The following UBR3 variants were observed in gnomAD, a reference collection of about 807,000 sequenced individuals.
UBR3 encodes the protein E3 ubiquitin-protein ligase UBR3.
Under a neutral mutation model 243.2 loss-of-function variants are expected in UBR3, and 85 were observed. The observed-to-expected ratio is 0.35, with a 90% CI of 0.29 to 0.42. UBR3 has a LOEUF of 0.42. Ranked by LOEUF, UBR3 falls within the 10% of genes least tolerant of loss-of-function variation. The probability of loss-of-function intolerance (pLI) is 1.00; values close to 1 mark genes in which losing one functional copy is unlikely to be tolerated. For synonymous variants in UBR3, 748 were observed against 799.8 expected (o/e 0.94, Z 1.09); for missense variants, 1,686 against 2,300.8 (o/e 0.73, Z 5.47).
chr2:170,078,788 G>A (rs1252393791), intron 36 of UBR3, among the ~76,000 whole-genome samples: 3 of 152,174 alleles, frequency 2.0e-5, no homozygotes, highest in African/African-American at 4.8e-5. Flanking sequence ...CCTATAATAA[G>A]TGTCAAGTTC....
At chr2:169,936,610 G>A (rs2086343389) in intron 19 of UBR3, among the ~76,000 whole-genome samples, 1 of 151,864 alleles carries the variant, frequency 6.6e-6, no homozygotes, top group Non-Finnish European at 1.5e-5. Context: ...CCACATTGGT[G>A]TGCTGCACCC....
chr2:169,930,326 T>C (rs2086072827), intron 18 of UBR3, among the ~76,000 whole-genome samples: 3 of 152,182 alleles, frequency 2.0e-5, no homozygotes, highest in Admixed American at 6.5e-5. Flanking sequence ...TTGAGTGTCA[T>C]ATTTAAATAC....
At position 169,836,062 on chromosome 2, in the gene UBR3, TA is replaced by T. The variant is rs1558999036; in HGVS notation, c.545+8011del. Among the ~76,000 whole-genome samples the T allele has an allele frequency of 3.4e-3, 189 of 54,982 alleles. 32 individuals are homozygous for T. Among genetic ancestry groups the T allele is most frequent in the Non-Finnish European group, 5.6e-3 (143 of 25,698 alleles). 36.1% of individuals were successfully genotyped at this position (54,982 alleles called of 152,430 possible). ...CTCTCTCTATATATATATATATATA[TA>T]TATATTTTTTTTTTTTTTTTTTTTT... On this transcript the variant is annotated intron_variant, in intron 1 of 38. Coordinates refer to ENST00000272793, the MANE Select transcript of UBR3 (RefSeq NM_172070.4).
chr2:169,833,536 A>G (rs924530385), intron 1 of UBR3, among the ~76,000 whole-genome samples: 1 of 152,218 alleles, frequency 6.6e-6, no homozygotes, highest in Non-Finnish European at 1.5e-5. Context: ...TTACTGTAAG[A>G]TTACATTGCT....
At chr2:169,842,175 A>G (rs574936339) in intron 1 of UBR3, among the ~76,000 whole-genome samples, 1 of 152,056 alleles carries the variant, frequency 6.6e-6, no homozygotes, top group African/African-American at 2.4e-5. Flanking sequence ...AAATACACCA[A>G]TCAGCACCCT....
At chr2:169,896,068 G>T (rs1263298666) in intron 7 of UBR3, among the ~76,000 whole-genome samples, 1 of 152,242 alleles carries the variant, frequency 6.6e-6, no homozygotes, top group South Asian at 2.1e-4. Flanking sequence ...AGGCTGAGGT[G>T]GGCAGATCAC....
At chr2:170,080,789 A>C in intron 38 of UBR3, 105 bp downstream of exon 38, 1 of 1,235,430 alleles carries the variant, frequency 8.1e-7, no homozygotes, top group Non-Finnish European at 1.1e-6. Context: ...ATATTAAGAA[A>C]TTCTGACAGT....
At chr2:170,039,635 C>T (rs1360215162) in intron 31 of UBR3, among the ~76,000 whole-genome samples, 1 of 152,096 alleles carries the variant, frequency 6.6e-6, no homozygotes, top group Admixed American at 6.6e-5. Context: ...TAAATATTTG[C>T]TGAATGATCG....
chr2:170,029,343 C>G lies in UBR3; in HGVS notation c.4454-3C>G, dbSNP rs764164090. On this transcript the variant is annotated splice_region_variant and splice_polypyrimidine_tract_variant and intron_variant, in intron 30 of 38. Coordinates refer to ENST00000272793, the MANE Select transcript of UBR3 (RefSeq NM_172070.4). ...CTAATTACCTTTTCTTCAATTTTTT[C>G]AGATCAGCTGTTTCATGTATTAGCC... The G allele has an allele frequency of 6.3e-7, 1 of 1,590,144 alleles. No homozygotes were observed. The highest frequency in any genetic ancestry group is 1.2e-5 in the South Asian group (1 of 86,010).
intron 31 of UBR3, among the ~76,000 whole-genome samples, chr2:170,035,908 A>C (rs2090813773): frequency 4.2e-5 from 1 of 24,016 alleles, no homozygotes; most frequent in South Asian, 2.5e-3. Flanking sequence ...TAAGTATTTT[A>C]TTGGGGGGGG....
intron 1 of UBR3, among the ~76,000 whole-genome samples, chr2:169,855,627 A>G (rs1029123031): frequency 4.6e-5 from 7 of 152,216 alleles, no homozygotes; most frequent in African/African-American, 1.7e-4. Context: ...TTTAACCCTT[A>G]GTGGACACAG....
Position 169,950,085 on chromosome 2 carries a change from T to G in UBR3, c.3545+20T>G. The G allele has an allele frequency of 6.6e-7, 1 of 1,525,442 alleles. No individual in the cohort carries two copies. 94.5% of individuals were successfully genotyped at this position (1,525,442 alleles called of 1,614,324 possible). ...AGAAAGGTAATTTTTATTTTTAATG[T>G]TTTAAACGTGTGTATAGTTGAAAAT... On this transcript the variant is annotated intron_variant, in intron 23 of 38. Coordinates refer to ENST00000272793, the MANE Select transcript of UBR3 (RefSeq NM_172070.4).
At chr2:170,061,847 A>G (rs1225799377) in intron 35 of UBR3, among the ~76,000 whole-genome samples, 1 of 152,216 alleles carries the variant, frequency 6.6e-6, no homozygotes, top group Non-Finnish European at 1.5e-5. Context: ...TCATATGACT[A>G]TATGTTAATC....
At chr2:170,043,622 A>T (rs1482893850) in intron 32 of UBR3, among the ~76,000 whole-genome samples, 1 of 152,214 alleles carries the variant, frequency 6.6e-6, no homozygotes, top group East Asian at 1.9e-4. Context: ...CAATAAATTC[A>T]TTGCTTGATT....
intron 24 of UBR3, among the ~76,000 whole-genome samples, chr2:169,980,387 C>T (rs183450614): frequency 2.0e-5 from 3 of 152,238 alleles, no homozygotes; most frequent in African/African-American, 7.2e-5. Flanking sequence ...CACGTAGTCC[C>T]TTCTTTTGTC....
chr2:170,046,707 CTA>C (rs1381031306), intron 32 of UBR3, among the ~76,000 whole-genome samples: 2 of 152,038 alleles, frequency 1.3e-5, no homozygotes, highest in African/African-American at 4.8e-5. Context: ...ATTCATAAAA[CTA>C]AAATTTTTTC....
intron 19 of UBR3, among the ~76,000 whole-genome samples, chr2:169,939,018 T>G (rs2086460509): frequency 6.6e-6 from 1 of 152,176 alleles, no homozygotes; most frequent in African/African-American, 2.4e-5. Flanking sequence ...TGAAAAAAAT[T>G]ACTAAGTTAT....
chr2:169,955,924 A>G (rs2087264922), intron 23 of UBR3, among the ~76,000 whole-genome samples: 1 of 152,018 alleles, frequency 6.6e-6, no homozygotes, highest in African/African-American at 2.4e-5. Context: ...ATTCTAATGA[A>G]GTATAGCTGT....
intron 1 of UBR3, among the ~76,000 whole-genome samples, chr2:169,862,781 TTTG>T (rs1453859481): frequency 6.6e-6 from 1 of 152,202 alleles, no homozygotes; most frequent in East Asian, 1.9e-4. Context: ...TTTTGATAAT[TTTG>T]TTAAAATTTA....
Sources: allele counts gnomAD v4.1 joint callset (sites outside exome capture counted in the v4.1 genomes callset), GRCh38; gene constraint gnomAD v4.1.1; transcripts MANE v1.5; gene names NCBI Gene and HGNC (gene_info 2026-07-23, HGNC 2026-07-21).